Variants in SRGAP2B observed in about 807,000 individuals in gnomAD.
SRGAP2B encodes the protein SLIT-ROBO Rho GTPase-activating protein 2B.
SRGAP2B carries 9 observed loss-of-function variants against 22.2 expected under a neutral mutation model. The observed-to-expected ratio is 0.41, with a 90% CI of 0.24 to 0.71. The LOEUF is 0.71. Among genes scored for constraint, SRGAP2B ranks in the 30% least tolerant of loss-of-function variants. SRGAP2B has a pLI of 0.35. For missense variants in SRGAP2B, 114 were observed against 235.8 expected, an observed-to-expected ratio of 0.48 and a Z score of 3.38; for synonymous variants, 36 against 87.4, an observed-to-expected ratio of 0.41 and a Z score of 3.28.
intron 2 of SRGAP2B, among the ~76,000 whole-genome samples, chr1:145,063,606 G>C (rs1379484960): frequency 1.5e-4 from 22 of 150,976 alleles, no homozygotes; most frequent in African/African-American, 5.4e-4. Flanking sequence ...GAATATACAA[G>C]GGGAAAAACA....
chr1:144,995,644 A>T (rs587770631), intron 2 of SRGAP2B, among the ~76,000 whole-genome samples: 1 of 134,454 alleles, frequency 7.4e-6, no homozygotes, highest in Non-Finnish European at 1.6e-5. Context: ...TTAAGTGGTG[A>T]AGCTGGGATT....
At chr1:144,925,167 TA>T (rs1409949361) in intron 4 of SRGAP2B, among the ~76,000 whole-genome samples, 1 of 149,814 alleles carries the variant, frequency 6.7e-6, no homozygotes, top group Non-Finnish European at 1.5e-5. Flanking sequence ...CATGCCTGGA[TA>T]ATTTTTTGTA....
At chr1:144,958,326 C>A (rs1319023695) in intron 3 of SRGAP2B, among the ~76,000 whole-genome samples, 2 of 151,048 alleles carry the variant, frequency 1.3e-5, no homozygotes, top group African/African-American at 2.5e-5. Context: ...AAGTAGAAAT[C>A]TTTTAAAATA....
chr1:144,954,574 A>C (rs1667123002), intron 4 of SRGAP2B, among the ~76,000 whole-genome samples: 1 of 150,660 alleles, frequency 6.6e-6, no homozygotes, highest in Non-Finnish European at 1.5e-5. Flanking sequence ...ATGACATATC[A>C]TATACAATGG....
At chr1:144,920,866 A>C in intron 4 of SRGAP2B, among the ~76,000 whole-genome samples, 1 of 150,810 alleles carries the variant, frequency 6.6e-6, no homozygotes, top group Non-Finnish European at 1.5e-5. Context: ...ACTTAGTTAG[A>C]CAGGAGCTAA....
At position 145,058,155 on chromosome 1, in the gene SRGAP2B, G is replaced by A. The variant is rs1456491498; in HGVS notation, c.67+34680C>T. ...GTTCCTAGGACCTGTGTGACCATGA[G>A]CACGTATCTTAATTTCTGAGCCTTA... On this transcript the variant is annotated intron_variant, in intron 2 of 9. Coordinates refer to ENST00000612199, the Ensembl canonical transcript of SRGAP2B. Among the ~76,000 whole-genome samples, 8 of 149,622 alleles carry A rather than the reference G, an allele frequency of 5.3e-5. 1 individual carries two copies. Among genetic ancestry groups the A allele is most frequent in the African/African-American group, 1.0e-4 (4 of 39,800 alleles).
chr1:144,965,258 G>A, intron 3 of SRGAP2B: 1 of 504,900 alleles, frequency 2.0e-6, no homozygotes, highest in East Asian at 3.9e-5. Context: ...GCTTTGAAGA[G>A]AGCAGTGGTT....
At chr1:145,015,810 G>A (rs1192127082) in intron 2 of SRGAP2B, among the ~76,000 whole-genome samples, 1 of 63,214 alleles carries the variant, frequency 1.6e-5, no homozygotes, top group East Asian at 4.9e-4. Context: ...ACTGTTGAAA[G>A]AAGCAGGGGT....
intron 2 of SRGAP2B, among the ~76,000 whole-genome samples, chr1:145,008,896 G>A (rs1461361998): frequency 6.7e-6 from 1 of 150,026 alleles, no homozygotes; most frequent in Admixed American, 6.6e-5. Flanking sequence ...GTCCAGCTGG[G>A]CGCGGTGGCT....
chr1:144,994,717 G>A (rs587734585), intron 3 of SRGAP2B, among the ~76,000 whole-genome samples: 4,298 of 148,818 alleles, frequency 0.029, 385 homozygotes, highest in African/African-American at 0.1. Flanking sequence ...TGGAGTTGTT[G>A]GGATTAAGCA....
chr1:144,961,419 A>AATAC (rs1164310492), intron 3 of SRGAP2B, among the ~76,000 whole-genome samples: 1 of 152,006 alleles, frequency 6.6e-6, no homozygotes, highest in African/African-American at 2.4e-5. Flanking sequence ...GGCAACTATC[A>AATAC]ATACATCTAA....
rs1379958244 is a variant in SRGAP2B, at chr1:144,976,035, G to A, written c.260+18973C>T. 5.4e-5 allele frequency among the ~76,000 whole-genome samples: 8 copies of A among 149,054 alleles called. No homozygotes were observed. In the East Asian group the frequency reaches 5.9e-4, roughly 11 times the overall value. The stretch of plus-strand genomic sequence containing the variant: ...ACCACAGGCGCCTGCCACCATGCCC[G>A]GCTAATTTTTTTTTTTTGTATTTTT... On this transcript the variant is annotated intron_variant, in intron 3 of 9. Coordinates refer to ENST00000612199, the Ensembl canonical transcript of SRGAP2B.
chr1:144,920,574 A>G (rs1416293224), intron 4 of SRGAP2B, among the ~76,000 whole-genome samples: 1 of 149,144 alleles, frequency 6.7e-6, no homozygotes, highest in Non-Finnish European at 1.5e-5. Flanking sequence ...TTTTAAAAAA[A>G]TTGTTTTCAG....
At chr1:144,917,451 T>G (rs1185522588) in intron 4 of SRGAP2B, 1 of 113,208 alleles carries the variant, frequency 8.8e-6, no homozygotes, top group South Asian at 3.4e-4. Flanking sequence ...AACTCCTCCT[T>G]ATGTTTGAAT....
intron 2 of SRGAP2B, among the ~76,000 whole-genome samples, chr1:145,082,053 AAAACAAACAAAC>A: frequency 7.2e-6 from 1 of 137,958 alleles, no homozygotes; most frequent in South Asian, 2.3e-4. Flanking sequence ...ATGGTTAAGA[AAAACAAACAAAC>A]AAACAAACAA....
At chr1:144,971,300 T>C (rs1668498483) in intron 3 of SRGAP2B, among the ~76,000 whole-genome samples, 1 of 148,548 alleles carries the variant, frequency 6.7e-6, no homozygotes, top group Non-Finnish European at 1.5e-5. Flanking sequence ...TCGGCTAATT[T>C]TGTGTTTTTT....
chr1:145,006,201 A>G lies in SRGAP2B; in HGVS notation c.68-11001T>C, dbSNP rs1264132705. Among the ~76,000 whole-genome samples, 145 of 151,040 alleles carry G rather than the reference A, an allele frequency of 9.6e-4. 4 individuals carry two copies. Among genetic ancestry groups the G allele is most frequent in the Middle Eastern group, 6.8e-3 (2 of 292 alleles). ...AGTCATGTCAACAACAAGTACAGAG[A>G]AGTGGAGGCTTCAAGAATCAAACTT... On this transcript the variant is annotated intron_variant, in intron 2 of 9. Transcript: ENST00000612199.
At chr1:145,084,140 C>G (rs1553635081) in intron 2 of SRGAP2B, among the ~76,000 whole-genome samples, 2 of 133,200 alleles carry the variant, frequency 1.5e-5, no homozygotes, top group African/African-American at 5.9e-5. Flanking sequence ...AGGGCACGAT[C>G]TCGGCTCACA....
chr1:144,994,870 G>A, intron 3 of SRGAP2B, 138 bp downstream of exon 3: 1 of 585,600 alleles, frequency 1.7e-6, no homozygotes, highest in East Asian at 2.9e-5. Flanking sequence ...TGGAAAATGA[G>A]AAGTCCTTGA....
Sources: gnomAD v4.1 joint callset for allele counts (sites outside exome capture counted in the v4.1 genomes callset) on GRCh38, gnomAD v4.1.1 for gene constraint, MANE v1.5 for transcripts, NCBI Gene and HGNC (gene_info 2026-07-23, HGNC 2026-07-21) for gene names.